IQCM: variants seen among roughly 807,000 people sequenced by gnomAD.
IQCM encodes the protein IQ motif containing M.
IQCM carries 45 observed loss-of-function variants against 57.6 expected under a neutral mutation model. The ratio of observed to expected loss-of-function variants is 0.78; its 90% CI spans 0.62 to 1.00. The LOEUF (loss-of-function observed/expected upper bound fraction) is 1.00. IQCM is among the 50% of genes least tolerant of loss of function. The pLI, the probability that IQCM is intolerant of heterozygous loss-of-function variation, is 0.00. For missense variants in IQCM, 468 were observed against 511.6 expected (o/e 0.91, Z 0.82); for synonymous variants, 148 against 158.9 (o/e 0.93, Z 0.51).
intron 13 of IQCM, among the ~76,000 whole-genome samples, chr4:149,395,915 T>G (rs1732192901): frequency 6.6e-6 from 1 of 151,990 alleles, no homozygotes; most frequent in South Asian, 2.1e-4. Context: ...TTTTCCCAAT[T>G]AGCGTTACTT....
At chr4:149,413,348 C>T (rs113562499) in intron 13 of IQCM, among the ~76,000 whole-genome samples, 15 of 152,204 alleles carry the variant, frequency 9.9e-5, no homozygotes, top group African/African-American at 2.6e-4. Context: ...GGAAAGAAAT[C>T]GGGTGGAGCC....
chr4:149,558,446 G>T (rs1209610322), intron 10 of IQCM, among the ~76,000 whole-genome samples: 1 of 152,132 alleles, frequency 6.6e-6, no homozygotes, highest in Non-Finnish European at 1.5e-5. Context: ...GGCCAAGAAT[G>T]TACAAGACTT....
intron 2 of IQCM, among the ~76,000 whole-genome samples, chr4:149,777,515 G>A (rs369314778): frequency 5.9e-4 from 90 of 152,190 alleles, no homozygotes; most frequent in Non-Finnish European, 1.0e-3. Context: ...GTCACCCTTT[G>A]AAAAACTGCT....
chr4:149,422,217 T>C (rs1034066519), intron 13 of IQCM, among the ~76,000 whole-genome samples: 1 of 151,960 alleles, frequency 6.6e-6, no homozygotes, highest in Admixed American at 6.6e-5. Context: ...TTCCTACTAC[T>C]TAATATGTGT....
intron 5 of IQCM, chr4:149,711,137 A>G (rs1362666862): frequency 6.6e-6 from 1 of 152,154 alleles, no homozygotes; most frequent in Non-Finnish European, 1.5e-5. Flanking sequence ...TGAAAATAAA[A>G]GTTTTTCCAA....
At chr4:149,504,868 G>A (rs1279074875) in intron 12 of IQCM, among the ~76,000 whole-genome samples, 3 of 152,220 alleles carry the variant, frequency 2.0e-5, no homozygotes, top group African/African-American at 4.8e-5. Context: ...AGCTGAGATC[G>A]TGTCAAAGCA....
chr4:149,722,500 A>G (rs973196397), intron 5 of IQCM, among the ~76,000 whole-genome samples: 11 of 151,996 alleles, frequency 7.2e-5, no homozygotes, highest in African/African-American at 2.7e-4. Flanking sequence ...TCATTCTTCT[A>G]CATGTGGGTA....
At position 149,563,904 on chromosome 4, in the gene IQCM, A is replaced by G. The variant is rs1254631747; in HGVS notation, c.750-14T>C. 8.6e-7 allele frequency: 1 copy of G among 1,167,972 alleles called. No individual in the cohort carries two copies. Among genetic ancestry groups the G allele is most frequent in the African/African-American group, 1.6e-5 (1 of 63,064 alleles). The allele number at this position is 1,167,972 out of a possible 1,614,324, so 72.4% of individuals were successfully genotyped here. A position where few individuals can be genotyped will look rare whatever the true frequency, so the allele number is the denominator to read the frequency against. ...GTACCTTTTATCCTAAAAATAAAAC[A>G]AATTTCTTATTATACATAATATGAA... On this transcript the variant is annotated splice_polypyrimidine_tract_variant and intron_variant, in intron 9 of 13. Coordinates refer to ENST00000636793, the MANE Select transcript of IQCM (RefSeq NM_001363507.2).
At chr4:149,375,436 A>G (rs1208242529) in intron 13 of IQCM, among the ~76,000 whole-genome samples, 1 of 152,126 alleles carries the variant, frequency 6.6e-6, no homozygotes, top group Non-Finnish European at 1.5e-5. Context: ...ACACAAAGGA[A>G]AGTCCATATC....
In IQCM at chr4:149,748,411, G is replaced by T. The variant is rs999169285; in HGVS notation, c.-48-5672C>A. On this transcript the variant is annotated intron_variant, in intron 2 of 13. Coordinates refer to ENST00000636793, the MANE Select transcript of IQCM (RefSeq NM_001363507.2). ...TAAATCTTTAAATCACAAAAAAGCA[G>T]TTATTAATACATTTCAGTTCTCAAC... 2.0e-5 allele frequency among the ~76,000 whole-genome samples: 3 copies of T among 152,276 alleles called. No individual in the cohort carries two copies. In the South Asian group the frequency reaches 6.2e-4, roughly 32 times the overall value.
At chr4:149,601,257 T>C (rs1389379138) in intron 8 of IQCM, among the ~76,000 whole-genome samples, 2 of 152,098 alleles carry the variant, frequency 1.3e-5, no homozygotes, top group African/African-American at 4.8e-5. Flanking sequence ...ACAATGCTAC[T>C]GACCCATGGA....
intron 10 of IQCM, among the ~76,000 whole-genome samples, chr4:149,558,199 G>C (rs1749771051): frequency 6.6e-6 from 1 of 151,986 alleles, no homozygotes; most frequent in Non-Finnish European, 1.5e-5. Flanking sequence ...ACTCTATATA[G>C]TCTCCCTAGA....
intron 7 of IQCM, among the ~76,000 whole-genome samples, chr4:149,669,242 AT>A (rs1007894492): frequency 1.1e-4 from 17 of 152,042 alleles, no homozygotes; most frequent in East Asian, 1.9e-4. Context: ...GATGATGAGC[AT>A]TTTTTTATGT....
chr4:149,723,774 C>A (rs1474695464), intron 5 of IQCM, among the ~76,000 whole-genome samples: 1 of 151,832 alleles, frequency 6.6e-6, no homozygotes, highest in Non-Finnish European at 1.5e-5. Flanking sequence ...CCTTTCCTGG[C>A]TTTGGTACCA....
chr4:149,679,438 C>G (rs190411827), intron 7 of IQCM, among the ~76,000 whole-genome samples: 18 of 151,444 alleles, frequency 1.2e-4, no homozygotes, highest in African/African-American at 4.3e-4. Flanking sequence ...GAAATAAGAC[C>G]TAGTGTTAGA....
chr4:149,468,698 G>A (rs371116213), intron 12 of IQCM, among the ~76,000 whole-genome samples: 7 of 152,178 alleles, frequency 4.6e-5, no homozygotes, highest in African/African-American at 7.2e-5. Context: ...CCTGACCCCC[G>A]AGTAGCCTAA....
rs1734185086 is a variant in IQCM, at chr4:149,422,471, C to T, written c.1390+10925G>A. Among the ~76,000 whole-genome samples the T allele has an allele frequency of 2.0e-5, 3 of 151,850 alleles. No individual in the cohort carries two copies. In the South Asian group the frequency reaches 6.2e-4, roughly 32 times the overall value. ...TTCAGAAAATATACAAAGGGCAAAA[C>T]CAACAACCTATTTTTAAGCTTCAGG... On this transcript the variant is annotated intron_variant, in intron 13 of 13. Transcript: ENST00000636793.
At chr4:149,594,014 A>G (rs748879222) in intron 8 of IQCM, among the ~76,000 whole-genome samples, 5 of 152,140 alleles carry the variant, frequency 3.3e-5, no homozygotes, top group Non-Finnish European at 4.4e-5. Context: ...ATTGATTGGA[A>G]TCGTTTCAGA....
At chr4:149,524,188 C>T (rs112199867) in intron 12 of IQCM, among the ~76,000 whole-genome samples, 1 of 152,094 alleles carries the variant, frequency 6.6e-6, no homozygotes, top group African/African-American at 2.4e-5. Flanking sequence ...ATTCCCCTAA[C>T]AAGAAGTTGA....
Sources: allele counts gnomAD v4.1 joint callset (sites outside exome capture counted in the v4.1 genomes callset), GRCh38; gene constraint gnomAD v4.1.1; transcripts MANE v1.5; gene names NCBI Gene and HGNC (gene_info 2026-07-23, HGNC 2026-07-21).